Variants in MVB12A observed in about 807,000 individuals in gnomAD.
MVB12A encodes the protein CIN85/CD2AP family binding protein.
A neutral mutation model predicts 34.3 loss-of-function variants in MVB12A; 30 were observed. That is an observed-to-expected ratio of 0.88 (90% CI 0.65 to 1.19). The LOEUF is 1.19. Among genes scored for constraint, MVB12A ranks in the 50% most tolerant of loss-of-function variants. The pLI is 0.00. For synonymous variants in MVB12A, 158 were observed against 158.9 expected, an observed-to-expected ratio of 0.99 and a Z score of 0.04; for missense variants, 355 against 369.2, an observed-to-expected ratio of 0.96 and a Z score of 0.31.
At chr19:17,418,559 GTTT>G (rs1324321589), upstream of MVB12A, among the ~76,000 whole-genome samples, 1 of 151,176 alleles carries the variant, frequency 6.6e-6, no homozygotes. Flanking sequence ...CGCCTGGATA[GTTT>G]TTTGTACTTT....
chr19:17,422,235 T>G (rs2074842688), intron 3 of MVB12A, 97 bp from the exon 4 acceptor site: 1 of 1,283,292 alleles, frequency 7.8e-7, no homozygotes, highest in African/African-American at 1.5e-5. Flanking sequence ...GTGGCTGCCT[T>G]AAACAGCACC....
intron 2 of MVB12A, among the ~76,000 whole-genome samples, chr19:17,407,042 C>T (rs978005825): frequency 5.3e-5 from 8 of 152,106 alleles, no homozygotes; most frequent in African/African-American, 9.7e-5. Flanking sequence ...GGGACCAGGT[C>T]GGAAATCACA....
At chr19:17,413,804 G>A (rs879770475) in intron 2 of MVB12A, among the ~76,000 whole-genome samples, 34 of 152,186 alleles carry the variant, frequency 2.2e-4, no homozygotes, top group African/African-American at 7.5e-4. Context: ...ACAGGAAAAA[G>A]CAATATATAG....
chr19:17,420,690 G>A, intron 3 of MVB12A, 56 bp downstream of exon 3: 1 of 1,343,120 alleles, frequency 7.4e-7, no homozygotes, highest in Non-Finnish European at 1.1e-6. Flanking sequence ...GAGGAGCGGG[G>A]GAGGAGGGAC....
At chr19:17,420,832 T>A in intron 3 of MVB12A, 198 bp downstream of exon 3, 1 of 647,484 alleles carries the variant, frequency 1.5e-6, no homozygotes, top group Non-Finnish European at 2.8e-6. Flanking sequence ...TGTGATATGA[T>A]TGGCACAGCC....
At chr19:17,424,170 G>A in intron 7 of MVB12A, 103 bp downstream of exon 7, 3 of 1,188,768 alleles carry the variant, frequency 2.5e-6, no homozygotes, top group East Asian at 4.7e-5. Flanking sequence ...GCCACATCCT[G>A]GGTTGGGGCT....
intron 8 of MVB12A, 60 bp from the exon 9 acceptor site, chr19:17,424,870 TC>T (rs1568392937): frequency 7.7e-7 from 1 of 1,300,266 alleles, no homozygotes; most frequent in Non-Finnish European, 1.1e-6. Flanking sequence ...CCTCAGTCAC[TC>T]CCCCTTTGGC....
intron 1 of MVB12A, chr19:17,405,777 CT>C: frequency 2.2e-6 from 1 of 456,718 alleles, no homozygotes. Context: ...AGGAGGTGGG[CT>C]TTTTTTTCAC....
chr19:17,417,815 C>T, upstream of MVB12A: 1 of 298,562 alleles, frequency 3.3e-6, no homozygotes, highest in Non-Finnish European at 6.9e-6. Context: ...TTCTCTTTCA[C>T]TGACACTGTC....
chr19:17,418,598 T>TGGTC (rs2074816680), upstream of MVB12A, among the ~76,000 whole-genome samples: 1 of 150,948 alleles, frequency 6.6e-6, no homozygotes, highest in East Asian at 2.0e-4. Flanking sequence ...TTCACCATGT[T>TGGTC]AGGCTGGTCT....
chr19:17,416,998 A>G (rs150971535), upstream of MVB12A: 1,082 of 309,112 alleles, frequency 3.5e-3, 9 homozygotes, highest in Non-Finnish European at 4.9e-3. Flanking sequence ...TGGCATAGAA[A>G]GTTTTTCTCA....
intron 2 of MVB12A, among the ~76,000 whole-genome samples, chr19:17,409,372 C>A (rs151269734): frequency 0.014 from 2,099 of 151,458 alleles, 37 homozygotes; most frequent in African/African-American, 0.047. Context: ...CTCAAGGGAT[C>A]CACCCGACTT....
Position 17,420,085 on chromosome 19 carries a change from G to A in MVB12A, c.-51G>A. Reference sequence around the variant, plus strand: ...GAGCGCTGCCGTCGGGAGGCGCTCCGAGGTTCGAGGCTGTGCCCCGCGACC... The same window carrying A: ...GAGCGCTGCCGTCGGGAGGCGCTCCAAGGTTCGAGGCTGTGCCCCGCGACC... On this transcript the variant is annotated 5_prime_UTR_variant, in exon 1 of 9. Transcript: ENST00000317040. The A allele has an allele frequency of 1.6e-6, 2 of 1,237,536 alleles. No homozygotes were observed. Among genetic ancestry groups the A allele is most frequent in the Non-Finnish European group, 2.0e-6 (2 of 982,656 alleles). The allele number at this position is 1,237,536 out of a possible 1,614,324, so 76.7% of individuals were successfully genotyped here.
At position 17,420,126 on chromosome 19, in the gene MVB12A, G is replaced by T. The variant is rs773751624; in HGVS notation, c.-10G>T. ...CCCCGCGACCCCGCCTTCGGCGCTC[G>T]GCTCGCAGGATGGATCCCGTACCCG... On this transcript the variant is annotated 5_prime_UTR_variant, in exon 1 of 9. Transcript: ENST00000317040. The T allele has an allele frequency of 7.5e-7, 1 of 1,329,222 alleles. No individual in the cohort carries two copies. Among genetic ancestry groups the T allele is most frequent in the Non-Finnish European group, 9.6e-7 (1 of 1,044,140 alleles). The allele number at this position is 1,329,222 out of a possible 1,614,324, so 82.3% of individuals were successfully genotyped here. A position where few individuals can be genotyped will look rare whatever the true frequency, so the allele number is the denominator to read the frequency against.
upstream of MVB12A, chr19:17,419,169 C>G (rs1344071486): frequency 6.6e-6 from 1 of 152,184 alleles, no homozygotes; most frequent in Admixed American, 6.5e-5. Flanking sequence ...TGGAGTCCCA[C>G]CCTGCACATG....
Position 17,424,025 on chromosome 19 carries a change from C to T in MVB12A, c.660C>T (p.Phe220=). The T allele has an allele frequency of 6.2e-7, 1 of 1,614,136 alleles. No individual in the cohort carries two copies. Among genetic ancestry groups the T allele is most frequent in the Non-Finnish European group, 8.5e-7 (1 of 1,180,032 alleles). The change falls in exon 7 of 9, where the codon TTC becomes TTT. Residue 220 remains phenylalanine (F), a synonymous_variant. Coordinates refer to ENST00000317040, the MANE Select transcript of MVB12A (RefSeq NM_138401.4). ...YGISAMDGVP[F]TLHPRFEGKS... ...TTTCAGCCATGGATGGGGTTCCCTTCACACTCCACCCACGATTTGAGGGCA... is the reference window on the plus strand; with the variant it reads ...TTTCAGCCATGGATGGGGTTCCCTTTACACTCCACCCACGATTTGAGGGCA...
chr19:17,420,113 G>GC lies in MVB12A; in HGVS notation c.-21dup. The stretch of plus-strand genomic sequence containing the variant: ...GTTCGAGGCTGTGCCCCGCGACCCC[G>GC]CCTTCGGCGCTCGGCTCGCAGGATG... On this transcript the variant is annotated 5_prime_UTR_variant, in exon 1 of 9. Coordinates refer to ENST00000317040, the MANE Select transcript of MVB12A (RefSeq NM_138401.4). 2 of 1,293,550 alleles carry GC rather than the reference G, an allele frequency of 1.5e-6. No homozygotes were observed. The highest frequency in any genetic ancestry group is 1.9e-6 in the Non-Finnish European group (2 of 1,027,570). 80.1% of individuals were successfully genotyped at this position (1,293,550 alleles called of 1,614,324 possible).
chr19:17,424,843 G>T, intron 8 of MVB12A, 88 bp from the exon 9 acceptor site: 1 of 1,211,298 alleles, frequency 8.3e-7, no homozygotes, highest in Non-Finnish European at 1.2e-6. Flanking sequence ...AAGTCCCTAA[G>T]TACCCACTCT....
At chr19:17,419,180 C>T (rs2074820167), upstream of MVB12A, 1 of 152,190 alleles carries the variant, frequency 6.6e-6, no homozygotes, top group African/African-American at 2.4e-5. Flanking sequence ...CCTGCACATG[C>T]TAGCATTCCT....
Sources: gnomAD v4.1 joint callset for allele counts (sites outside exome capture counted in the v4.1 genomes callset) on GRCh38, gnomAD v4.1.1 for gene constraint, MANE v1.5 for transcripts, NCBI Gene and HGNC (gene_info 2026-07-23, HGNC 2026-07-21) for gene names.